Variants in CDKAL1 observed in about 807,000 individuals in gnomAD.
The protein encoded by CDKAL1 is threonylcarbamoyladenosine tRNA methylthiotransferase.
Under a neutral mutation model 68.2 loss-of-function variants are expected in CDKAL1, and 32 were observed. The observed-to-expected ratio is 0.47, with a 90% CI of 0.35 to 0.63. The LOEUF (loss-of-function observed/expected upper bound fraction) is 0.63. Ranked by LOEUF, CDKAL1 falls within the 30% of genes least tolerant of loss-of-function variation. The pLI is 0.00. For missense variants in CDKAL1, 606 were observed against 696.7 expected (o/e 0.87, Z 1.47); for synonymous variants, 234 against 244.3 (o/e 0.96, Z 0.39).
intron 9 of CDKAL1, among the ~76,000 whole-genome samples, chr6:20,852,965 A>G (rs890382740): frequency 1.3e-5 from 2 of 152,254 alleles, no homozygotes; most frequent in African/African-American, 4.8e-5. Flanking sequence ...AAGGACAAAT[A>G]GTAAATATTT....
In CDKAL1 at chr6:20,927,235, G is replaced by C. The variant is rs534592896; in HGVS notation, c.743-28184G>C. 2.0e-5 allele frequency among the ~76,000 whole-genome samples: 3 copies of C among 152,170 alleles called. No homozygotes were observed. The East Asian group carries it at 5.8e-4, about 29-fold the overall frequency. On this transcript the variant is annotated intron_variant, in intron 9 of 15. Coordinates refer to ENST00000274695, the MANE Select transcript of CDKAL1 (RefSeq NM_017774.3). Reference sequence around the variant, plus strand: ...GAAGAATACATTAAAATAGCAGATGGGGGTCGTTTTAAACATTTCCTTGAT... The same window carrying C: ...GAAGAATACATTAAAATAGCAGATGCGGGTCGTTTTAAACATTTCCTTGAT...
chr6:20,991,606 C>T (rs1167909653), intron 10 of CDKAL1, among the ~76,000 whole-genome samples: 3 of 148,754 alleles, frequency 2.0e-5, no homozygotes, highest in African/African-American at 7.5e-5. Context: ...ACTCGAGAGG[C>T]TGAGGCAGGA....
At chr6:21,050,544 T>G (rs1016751271) in intron 11 of CDKAL1, among the ~76,000 whole-genome samples, 1 of 152,186 alleles carries the variant, frequency 6.6e-6, no homozygotes, top group South Asian at 2.1e-4. Context: ...GAAAGTTCCT[T>G]TCTTGTGGCT....
intron 9 of CDKAL1, among the ~76,000 whole-genome samples, chr6:20,929,309 C>G (rs1421392813): frequency 6.6e-6 from 1 of 152,144 alleles, no homozygotes; most frequent in Non-Finnish European, 1.5e-5. Flanking sequence ...GGAAGGGACA[C>G]ATATTCTTCC....
intron 4 of CDKAL1, among the ~76,000 whole-genome samples, chr6:20,557,959 CAAACAA>C (rs1764125180): frequency 1.3e-5 from 2 of 152,114 alleles, no homozygotes; most frequent in African/African-American, 4.8e-5. Flanking sequence ...ACACATCAAA[CAAACAA>C]ACATCCTTAA....
At chr6:20,550,883 T>C (rs796438822) in intron 4 of CDKAL1, among the ~76,000 whole-genome samples, 2,010 of 144,346 alleles carry the variant, frequency 0.014, 22 homozygotes, top group African/African-American at 0.051. Context: ...TTTTTTTTTT[T>C]TGAGACAGAG....
intron 12 of CDKAL1, among the ~76,000 whole-genome samples, chr6:21,086,791 C>CT (rs1772718494): frequency 6.6e-6 from 1 of 152,106 alleles, no homozygotes; most frequent in African/African-American, 2.4e-5. Flanking sequence ...TTCACTTTGA[C>CT]TTTTTTTGCT....
At chr6:20,599,001 A>C (rs545829361) in intron 4 of CDKAL1, among the ~76,000 whole-genome samples, 1 of 152,156 alleles carries the variant, frequency 6.6e-6, no homozygotes, top group East Asian at 1.9e-4. Context: ...GTGTATTGTT[A>C]TATCATTTTA....
At chr6:20,846,943 G>T (rs970013565) in intron 9 of CDKAL1, among the ~76,000 whole-genome samples, 2 of 152,134 alleles carry the variant, frequency 1.3e-5, no homozygotes, top group African/African-American at 4.8e-5. Context: ...AATCTTGCAG[G>T]TTAATAGTTA....
At chr6:20,671,312 T>G (rs190160100) in intron 5 of CDKAL1, among the ~76,000 whole-genome samples, 52 of 152,340 alleles carry the variant, frequency 3.4e-4, no homozygotes, top group Admixed American at 1.4e-3. Context: ...TTAGATATAC[T>G]TTTGTCAATC....
intron 11 of CDKAL1, among the ~76,000 whole-genome samples, chr6:21,013,247 A>G (rs977190454): frequency 1.3e-5 from 2 of 151,964 alleles, no homozygotes; most frequent in African/African-American, 4.8e-5. Flanking sequence ...ATTTAATTCT[A>G]ATTCACAAGG....
intron 4 of CDKAL1, among the ~76,000 whole-genome samples, chr6:20,612,990 T>TACACACACACACACACAC (rs55999857): frequency 2.3e-5 from 3 of 129,992 alleles, no homozygotes; most frequent in Non-Finnish European, 4.9e-5. Context: ...TTGCAATTTC[T>TACACACACACACACACAC]ACACACACAC....
chr6:21,183,852 C>A (rs1777898418), intron 13 of CDKAL1, among the ~76,000 whole-genome samples: 1 of 152,130 alleles, frequency 6.6e-6, no homozygotes, highest in Non-Finnish European at 1.5e-5. Context: ...CTGTTGTAAA[C>A]CAGAAATAAA....
intron 8 of CDKAL1, among the ~76,000 whole-genome samples, chr6:20,808,589 A>C (rs1298834282): frequency 2.6e-5 from 4 of 151,994 alleles, no homozygotes; most frequent in African/African-American, 7.2e-5. Context: ...AGTGGGACAA[A>C]GATAAGTTAG....
intron 11 of CDKAL1, among the ~76,000 whole-genome samples, chr6:21,029,382 A>C (rs1019510609): frequency 6.6e-6 from 1 of 152,070 alleles, no homozygotes; most frequent in Non-Finnish European, 1.5e-5. Context: ...TGTAATGTTG[A>C]TCAATCCCAG....
chr6:20,910,618 G>T (rs1449836283), intron 9 of CDKAL1, among the ~76,000 whole-genome samples: 1 of 152,154 alleles, frequency 6.6e-6, no homozygotes, highest in Non-Finnish European at 1.5e-5. Flanking sequence ...GCCCTGATTT[G>T]CTGGCTTTTT....
At chr6:20,750,073 C>G (rs1773848895) in intron 6 of CDKAL1, among the ~76,000 whole-genome samples, 2 of 152,072 alleles carry the variant, frequency 1.3e-5, no homozygotes, top group Non-Finnish European at 2.9e-5. Context: ...TTTGCAGTTT[C>G]TTTCCCCTAA....
At chr6:20,645,710 A>G (rs1768414311) in intron 4 of CDKAL1, among the ~76,000 whole-genome samples, 3 of 151,914 alleles carry the variant, frequency 2.0e-5, no homozygotes, top group Non-Finnish European at 4.4e-5. Flanking sequence ...TAGCCTGGTG[A>G]CAGAGTGAGA....
intron 11 of CDKAL1, among the ~76,000 whole-genome samples, chr6:21,010,821 C>T (rs568067880): frequency 1.3e-5 from 2 of 152,146 alleles, no homozygotes; most frequent in South Asian, 2.1e-4. Context: ...CGATGGTTCA[C>T]GCCTGTAACC....
Sources: gnomAD v4.1 joint callset for allele counts (sites outside exome capture counted in the v4.1 genomes callset) on GRCh38, gnomAD v4.1.1 for gene constraint, MANE v1.5 for transcripts, NCBI Gene and HGNC (gene_info 2026-07-23, HGNC 2026-07-21) for gene names.